Variants in ARL16 observed in about 807,000 individuals in gnomAD.
The protein encoded by ARL16 is ADP-ribosylation factor-like protein 16.
Under a neutral mutation model 14.1 loss-of-function variants are expected in ARL16, and 21 were observed. The observed-to-expected ratio is 1.48, with a 90% confidence interval of 1.05 to 2.14. ARL16 has a LOEUF of 2.14. Among genes scored for constraint, ARL16 ranks in the 30% most tolerant of loss-of-function variants. The pLI, the probability that ARL16 is intolerant of heterozygous loss-of-function variation, is 0.00. For synonymous variants in ARL16, 122 were observed against 91.8 expected (o/e 1.33, Z -1.88); for missense variants, 248 against 222.0 (o/e 1.12, Z -0.74).
At position 81,682,130 on chromosome 17, in the gene ARL16, T is replaced by C; in HGVS notation, c.254A>G (p.Asp85Gly). 3.1e-6 allele frequency: 5 copies of C among 1,606,774 alleles called. No individual in the cohort carries two copies. Among genetic ancestry groups the C allele is most frequent in the Non-Finnish European group, 3.4e-6 (4 of 1,177,660 alleles). The change falls in exon 4 of 5, where the codon GAC (aspartate) becomes GGC (glycine). Residue 85 changes from aspartate (D) to glycine (G), a missense_variant. By Grantham distance (94) the Asp-to-Gly change is moderately conservative (BLOSUM62 -1). Coordinates refer to ENST00000622299, the MANE Select transcript of ARL16 (RefSeq NM_001040025.3). ...ACAGGATGCAGAGAGCTGGGTGGGGTCAGAGGCGTCCATCACAAACTGGGG... is the reference window on the plus strand; with the variant it reads ...ACAGGATGCAGAGAGCTGGGTGGGGCCAGAGGCGTCCATCACAAACTGGGG... ...RSLLFVMDAS[D>G]PTQLSASCVQ...
In ARL16 at chr17:81,683,138, A is replaced by T; in HGVS notation, c.121-12T>A. The T allele has an allele frequency of 6.3e-7, 1 of 1,600,000 alleles. No homozygotes were observed. The highest frequency in any genetic ancestry group is 1.3e-5 in the African/African-American group (1 of 74,142). Reference sequence around the variant, plus strand: ...AGATTGGTGCCCACCTATAGGAAAAACCACGATGCAAAAAGAACAATACAA... The same window carrying T: ...AGATTGGTGCCCACCTATAGGAAAATCCACGATGCAAAAAGAACAATACAA... On this transcript the variant is annotated splice_polypyrimidine_tract_variant and intron_variant, in intron 2 of 4. Coordinates refer to ENST00000622299, the MANE Select transcript of ARL16 (RefSeq NM_001040025.3).
In ARL16 at chr17:81,681,635, C is replaced by G. The variant is rs1443665320; in HGVS notation, c.*73G>C. On this transcript the variant is annotated 3_prime_UTR_variant, in exon 5 of 5. Coordinates refer to ENST00000622299, the MANE Select transcript of ARL16 (RefSeq NM_001040025.3). ...GTTATTCTGCCCCTGTGAGAAGAAA[C>G]TATTGGCAGCAAAGCCATACTGCCC... The G allele has an allele frequency of 6.8e-7, 1 of 1,463,080 alleles. No individual in the cohort carries two copies. The highest frequency in any genetic ancestry group is 1.4e-5 in the African/African-American group (1 of 70,646). The allele number at this position is 1,463,080 out of a possible 1,614,324, so 90.6% of individuals were successfully genotyped here. A position where few individuals can be genotyped will look rare whatever the true frequency, so the allele number is the denominator to read the frequency against.
rs755314229 is a variant in ARL16 at position 81,681,676 on chromosome 17, C to G, written c.*32G>C. The G allele has an allele frequency of 2.0e-5, 31 of 1,557,578 alleles. No homozygotes were observed. The East Asian group carries it at 7.3e-4, about 37-fold the overall frequency. ...CATACTGCCCTCTGCCACCTCTCCC[C>G]AGCTCAGGCCAGCTGCGCCTCTGCC... On this transcript the variant is annotated 3_prime_UTR_variant, in exon 5 of 5. Coordinates refer to ENST00000622299, the MANE Select transcript of ARL16 (RefSeq NM_001040025.3).
rs2036887034 is a variant in ARL16, at chr17:81,683,085, G to A, written c.162C>T (p.Ile54=). The change falls in exon 3 of 5, where the codon ATC becomes ATT. Residue 54 remains isoleucine, a synonymous_variant. Transcript: ENST00000622299. ...TGCACCCCCCAAGCTCCCGGATGGT[G>A]ATCTTTCTCTGTGCCACGATGTCAG... ...NLTDIVAQRK[I]TIRELGGCMG... is the part of the protein sequence containing the mutation. 6.2e-7 allele frequency: 1 copy of A among 1,611,742 alleles called. No homozygotes were observed. The highest frequency in any genetic ancestry group is 8.5e-7 in the Non-Finnish European group (1 of 1,179,280).
At chr17:81,682,434 G>A in intron 3 of ARL16, 1 of 243,894 alleles carries the variant, frequency 4.1e-6, no homozygotes, top group South Asian at 5.5e-5. Context: ...AGTAGAGACG[G>A]GGTTTCACCA....
At chr17:81,682,796 C>T in intron 3 of ARL16, 1 of 580,418 alleles carries the variant, frequency 1.7e-6, no homozygotes, top group Non-Finnish European at 3.1e-6. Flanking sequence ...CCTCAGCAAG[C>T]CCTCTGTGAG....
chr17:81,683,395 GGCCGTCCCCC>G, intron 2 of ARL16, 131 bp downstream of exon 2: 1 of 1,181,636 alleles, frequency 8.5e-7, no homozygotes. Context: ...CCTCAGCTCG[GGCCGTCCCCC>G]GCTCCCGAAG....
intron 3 of ARL16, 121 bp from the exon 4 acceptor site, chr17:81,682,270 G>A (rs1465097400): frequency 5.4e-6 from 4 of 745,494 alleles, no homozygotes; most frequent in Non-Finnish European, 8.4e-6. Context: ...TATTTTTTGA[G>A]ACGAAGTCTC....
chr17:81,682,602 A>G (rs977267666), intron 3 of ARL16: 17 of 195,946 alleles, frequency 8.7e-5, no homozygotes, highest in South Asian at 4.1e-4. Context: ...GAGTTTTATG[A>G]AGACGACCTG....
In ARL16 at chr17:81,683,568, C is replaced by T; in HGVS notation, c.88G>A (p.Asp30Asn). 6.2e-7 allele frequency: 1 copy of T among 1,602,354 alleles called. No individual in the cohort carries two copies. The highest frequency in any genetic ancestry group is 8.5e-7 in the Non-Finnish European group (1 of 1,175,934). Reference protein sequence around the residue: ...QEVSSRDGKGDLGEPPPTRPT... With the variant: ...QEVSSRDGKGNLGEPPPTRPT... ...CGTGTCGGGGGCGGCTCCCCCAGGT[C>T]GCCTTTCCCATCCCGGGAGCTCACC... The change falls in exon 2 of 5, where the codon GAC (aspartate) becomes AAC (asparagine). Residue 30 changes from aspartate to asparagine, a missense_variant. By Grantham distance (23) the Asp-to-Asn change is conservative. Transcript: ENST00000622299.
At position 81,683,536 on chromosome 17, in the gene ARL16, C is replaced by A; in HGVS notation, c.120G>T (p.Thr40=). The change falls in exon 2 of 5, where the codon ACG becomes ACT. Residue 40 remains threonine, a splice_region_variant and synonymous_variant. Coordinates refer to ENST00000622299, the MANE Select transcript of ARL16 (RefSeq NM_001040025.3). Reference sequence around the variant, plus strand: ...TCCACCCGCGGGGGCGGACACCTACCGTGGGCCGTGTCGGGGGCGGCTCCC... The same window carrying A: ...TCCACCCGCGGGGGCGGACACCTACAGTGGGCCGTGTCGGGGGCGGCTCCC... ...DLGEPPPTRP[T]VGTNLTDIVA... 6.3e-7 allele frequency: 1 copy of A among 1,590,444 alleles called. No individual in the cohort carries two copies.
At position 81,681,515 on chromosome 17, in the gene ARL16, T is replaced by C; in HGVS notation, c.*193A>G. ...CATGCCTAGCCCCTGGGGACACTTT[T>C]TTCAGAGGCCAGATGTCAACTTCCA... On this transcript the variant is annotated 3_prime_UTR_variant, in exon 5 of 5. Coordinates refer to ENST00000622299, the MANE Select transcript of ARL16 (RefSeq NM_001040025.3). 1.4e-6 allele frequency: 1 copy of C among 711,154 alleles called. No homozygotes were observed. The highest frequency in any genetic ancestry group is 4.2e-4 in the Middle Eastern group (1 of 2,380). 44.1% of individuals were successfully genotyped at this position (711,154 alleles called of 1,614,324 possible). A position where few individuals can be genotyped will look rare whatever the true frequency, so the allele number is the denominator to read the frequency against.
At chr17:81,682,306 G>T in intron 3 of ARL16, 157 bp from the exon 4 acceptor site, 1 of 548,280 alleles carries the variant, frequency 1.8e-6, no homozygotes, top group Non-Finnish European at 3.2e-6. Flanking sequence ...GCACGATCTC[G>T]GCTCACTGAA....
Position 81,683,537 on chromosome 17 carries a change from G to T in ARL16, c.119C>A (p.Thr40Lys), listed in dbSNP as rs1480233623. Reference sequence around the variant, plus strand: ...CCACCCGCGGGGGCGGACACCTACCGTGGGCCGTGTCGGGGGCGGCTCCCC... The same window carrying T: ...CCACCCGCGGGGGCGGACACCTACCTTGGGCCGTGTCGGGGGCGGCTCCCC... ...DLGEPPPTRP[T>K]VGTNLTDIVA... Residue 40 changes from threonine to lysine, a missense_variant and splice_region_variant, in exon 2 of 5, where the codon ACG (threonine) becomes AAG (lysine). Thr to Lys is a moderately conservative substitution (Grantham distance 78). Transcript: ENST00000622299. 3 of 1,591,126 alleles carry T rather than the reference G, an allele frequency of 1.9e-6. No individual in the cohort carries two copies. Among genetic ancestry groups the T allele is most frequent in the East Asian group, 4.5e-5 (2 of 44,330 alleles).
At chr17:81,682,173 A>C in intron 3 of ARL16, 24 bp from the exon 4 acceptor site, 1 of 1,551,752 alleles carries the variant, frequency 6.4e-7, no homozygotes, top group Non-Finnish European at 8.7e-7. Context: ...AAAAGACAGC[A>C]GCAATGCCCC....
In ARL16 at chr17:81,682,124, G is replaced by A. The variant is rs764434027; in HGVS notation, c.260C>T (p.Thr87Ile). The change falls in exon 4 of 5, where the codon ACC becomes ATC. Residue 87 changes from threonine (T) to isoleucine (I), a missense_variant. Coordinates refer to ENST00000622299, the MANE Select transcript of ARL16 (RefSeq NM_001040025.3). The part of the protein sequence containing the change: ...LLFVMDASDP[T>I]QLSASCVQLL... Reference sequence around the variant, plus strand: ...CTGCACACAGGATGCAGAGAGCTGGGTGGGGTCAGAGGCGTCCATCACAAA... The same window carrying A: ...CTGCACACAGGATGCAGAGAGCTGGATGGGGTCAGAGGCGTCCATCACAAA... 2 of 1,611,930 alleles carry A rather than the reference G, an allele frequency of 1.2e-6. No individual in the cohort carries two copies. Among genetic ancestry groups the A allele is most frequent in the Middle Eastern group, 1.6e-4 (1 of 6,080 alleles).
In ARL16 at chr17:81,681,887, G is replaced by T; in HGVS notation, c.351-8C>A. On this transcript the variant is annotated splice_polypyrimidine_tract_variant and splice_region_variant and intron_variant, in intron 4 of 4. Coordinates refer to ENST00000622299, the MANE Select transcript of ARL16 (RefSeq NM_001040025.3). ...ATGTAACAGGGTAGGTCGCTGGAGA[G>T]AAAGAGGTGCCCCATCAGAGCAGTG... 6.2e-7 allele frequency: 1 copy of T among 1,610,482 alleles called. No homozygotes were observed. The highest frequency in any genetic ancestry group is 1.1e-5 in the South Asian group (1 of 90,672).
chr17:81,681,540 A>C lies in ARL16; in HGVS notation c.*168T>G. 1.2e-6 allele frequency: 1 copy of C among 851,498 alleles called. No homozygotes were observed. The highest frequency in any genetic ancestry group is 1.7e-6 in the Non-Finnish European group (1 of 580,124). The allele number at this position is 851,498 out of a possible 1,614,324, so 52.7% of individuals were successfully genotyped here. On this transcript the variant is annotated 3_prime_UTR_variant, in exon 5 of 5. Coordinates refer to ENST00000622299, the MANE Select transcript of ARL16 (RefSeq NM_001040025.3). ...TTTCAGAGGCCAGATGTCAACTTCC[A>C]TCTCCACATGCCTCAGTTTACACAT...
chr17:81,683,626 AGGGTGAGTCCCCGCCCCACTCC>A, intron 1 of ARL16, 32 bp from the exon 2 acceptor site: 1 of 1,596,432 alleles, frequency 6.3e-7, no homozygotes, highest in Non-Finnish European at 8.5e-7. Flanking sequence ...GAGCAGCTAA[AGGGTGAGTCCCCGCCCCACTCC>A]GGGTGCCCCC....
Sources: allele counts gnomAD v4.1 joint callset, GRCh38; gene constraint gnomAD v4.1.1; transcripts MANE v1.5; gene names NCBI Gene and HGNC (gene_info 2026-07-23, HGNC 2026-07-21).